The following CNTN5 variants were observed in gnomAD, a reference collection of about 807,000 sequenced individuals.
CNTN5 encodes contactin 5.
In CNTN5, 77 loss-of-function variants were observed where a neutral mutation model predicts 129.1. That is an observed-to-expected ratio of 0.60 (90% CI 0.50 to 0.72). The LOEUF (loss-of-function observed/expected upper bound fraction) is 0.72, where lower values mean the gene tolerates loss of function less well. Among genes scored for constraint, CNTN5 ranks in the 30% least tolerant of loss-of-function variants. The pLI is 0.00. For synonymous variants in CNTN5, 509 were observed against 465.6 expected (o/e 1.09, Z -1.20); for missense variants, 1,478 against 1,328.8 (o/e 1.11, Z -1.75).
intron 7 of CNTN5, among the ~76,000 whole-genome samples, chr11:99,944,967 G>T (rs185229503): frequency 7.4e-4 from 112 of 152,212 alleles, no homozygotes; most frequent in Non-Finnish European, 1.5e-5. Context: ...GAAGGTGGGA[G>T]TGCATTCTAG....
At chr11:99,880,601 A>T (rs1948747119) in intron 6 of CNTN5, among the ~76,000 whole-genome samples, 1 of 152,230 alleles carries the variant, frequency 6.6e-6, no homozygotes, top group African/African-American at 2.4e-5. Flanking sequence ...GCTCAATTTT[A>T]CAAATACAAT....
intron 6 of CNTN5, among the ~76,000 whole-genome samples, chr11:99,877,100 A>C (rs1418234141): frequency 6.6e-6 from 1 of 152,206 alleles, no homozygotes; most frequent in Non-Finnish European, 1.5e-5. Context: ...TCATGGAATA[A>C]AATTCTTTCC....
chr11:99,667,963 A>T (rs1338244204), intron 3 of CNTN5, among the ~76,000 whole-genome samples: 1 of 152,120 alleles, frequency 6.6e-6, no homozygotes, highest in Non-Finnish European at 1.5e-5. Flanking sequence ...AGAAAAAAAA[A>T]ATCCTGGCTT....
At chr11:99,222,290 TAG>T (rs1234909732) in intron 1 of CNTN5, among the ~76,000 whole-genome samples, 1 of 151,220 alleles carries the variant, frequency 6.6e-6, no homozygotes, top group Non-Finnish European at 1.5e-5. Context: ...TTTATACATA[TAG>T]ATAAATACAA....
In CNTN5 at chr11:100,255,793, A is replaced by G; in HGVS notation, c.2039A>G (p.Glu680Gly). 1 of 1,613,898 alleles carries G rather than the reference A, an allele frequency of 6.2e-7. No homozygotes were observed. Among genetic ancestry groups the G allele is most frequent in the Non-Finnish European group, 8.5e-7 (1 of 1,179,842 alleles). Reference protein sequence around the residue: ...PPGPPGIVIVEEITESTATLS... With the variant: ...PPGPPGIVIVGEITESTATLS... Reference sequence around the variant, plus strand: ...GGCCCACCTGGGATAGTAATTGTTGAGGAAATAACCGAAAGTACGGCCACA... The same window carrying G: ...GGCCCACCTGGGATAGTAATTGTTGGGGAAATAACCGAAAGTACGGCCACA... The change falls in exon 17 of 25, where the codon GAG (glutamate) becomes GGG (glycine). Residue 680 changes from glutamate to glycine, a missense_variant. Coordinates refer to ENST00000524871, the MANE Select transcript of CNTN5 (RefSeq NM_014361.4).
At chr11:100,011,332 G>A (rs1251880250) in intron 9 of CNTN5, among the ~76,000 whole-genome samples, 2 of 152,036 alleles carry the variant, frequency 1.3e-5, no homozygotes, top group African/African-American at 4.8e-5. Flanking sequence ...ATACACAAGG[G>A]CAAACAGGGT....
intron 1 of CNTN5, among the ~76,000 whole-genome samples, chr11:99,215,708 T>C (rs1860081139): frequency 6.6e-6 from 1 of 152,302 alleles, no homozygotes; most frequent in Non-Finnish European, 1.5e-5. Context: ...GAAAGGCAGC[T>C]AGTCATTTGG....
At chr11:99,311,783 T>C (rs137862385) in intron 1 of CNTN5, among the ~76,000 whole-genome samples, 1 of 152,348 alleles carries the variant, frequency 6.6e-6, no homozygotes, top group Admixed American at 6.5e-5. Context: ...ACTGACCATA[T>C]TATTAATTGT....
intron 3 of CNTN5, among the ~76,000 whole-genome samples, chr11:99,669,714 GTC>G (rs1268598126): frequency 1.3e-5 from 2 of 151,968 alleles, no homozygotes; most frequent in Non-Finnish European, 2.9e-5. Context: ...GGAATATCTG[GTC>G]TCTCTTATCT....
At chr11:99,369,586 T>C (rs2136128998) in intron 2 of CNTN5, among the ~76,000 whole-genome samples, 1 of 152,102 alleles carries the variant, frequency 6.6e-6, no homozygotes, top group African/African-American at 2.4e-5. Flanking sequence ...AAAAATAGAT[T>C]TAAAAATTTG....
At chr11:99,305,711 T>C (rs1205765226) in intron 1 of CNTN5, among the ~76,000 whole-genome samples, 1 of 152,122 alleles carries the variant, frequency 6.6e-6, no homozygotes. Context: ...CCAGGTGTGG[T>C]GGCTCACACC....
intron 18 of CNTN5, among the ~76,000 whole-genome samples, chr11:100,291,326 C>T (rs1364823974): frequency 6.6e-5 from 10 of 151,924 alleles, no homozygotes; most frequent in Non-Finnish European, 1.2e-4. Flanking sequence ...TATTGCAGCA[C>T]TATTCACAAT....
At chr11:99,282,948 T>A (rs1863765443) in intron 1 of CNTN5, among the ~76,000 whole-genome samples, 1 of 152,080 alleles carries the variant, frequency 6.6e-6, no homozygotes, top group African/African-American at 2.4e-5. Flanking sequence ...AGGCTCATTT[T>A]TTTTTCCTAA....
chr11:100,083,884 C>T (rs984700817), intron 13 of CNTN5, among the ~76,000 whole-genome samples: 1 of 152,004 alleles, frequency 6.6e-6, no homozygotes, highest in Non-Finnish European at 1.5e-5. Flanking sequence ...CTTGACCACT[C>T]CACCAGTTTG....
Position 99,931,438 on chromosome 11 carries a change from T to A in CNTN5, c.673+15289T>A, listed in dbSNP as rs1201303845. Among the ~76,000 whole-genome samples the A allele has an allele frequency of 3.3e-5, 5 of 152,224 alleles. 1 individual carries two copies. The South Asian group carries it at 6.2e-4, about 19-fold the overall frequency. ...ACACTGCAATAACCTTGGTTTTTTT[T>A]ACTTAGATTGGTTAGGGATTTTGAC... On this transcript the variant is annotated intron_variant, in intron 7 of 24. Coordinates refer to ENST00000524871, the MANE Select transcript of CNTN5 (RefSeq NM_014361.4).
intron 1 of CNTN5, among the ~76,000 whole-genome samples, chr11:99,089,582 G>A (rs1160566930): frequency 1.3e-5 from 2 of 152,244 alleles, no homozygotes; most frequent in East Asian, 1.9e-4. Flanking sequence ...CCACTTTACT[G>A]TATATCGTTG....
intron 3 of CNTN5, among the ~76,000 whole-genome samples, chr11:99,625,764 T>A (rs1406635647): frequency 2.0e-5 from 2 of 101,442 alleles, no homozygotes; most frequent in African/African-American, 6.0e-5. Flanking sequence ...CTTTATCATA[T>A]TCAATTAAAA....
chr11:99,024,934 A>G (rs879657149), intron 1 of CNTN5, among the ~76,000 whole-genome samples: 1 of 151,998 alleles, frequency 6.6e-6, no homozygotes, highest in Non-Finnish European at 1.5e-5. Flanking sequence ...TGCCATTTTT[A>G]AACGTTTCAG....
chr11:99,704,038 T>C (rs1030141933), intron 3 of CNTN5, among the ~76,000 whole-genome samples: 1 of 150,074 alleles, frequency 6.7e-6, no homozygotes, highest in Non-Finnish European at 1.5e-5. Context: ...TAAATAATTA[T>C]ATGTGTGTAT....
Sources: allele counts gnomAD v4.1 joint callset (sites outside exome capture counted in the v4.1 genomes callset), GRCh38; gene constraint gnomAD v4.1.1; transcripts MANE v1.5; gene names NCBI Gene and HGNC (gene_info 2026-07-23, HGNC 2026-07-21).